Variants in SFSWAP observed in about 807,000 individuals in gnomAD.
SFSWAP encodes splicing factor SWAP.
SFSWAP carries 17 observed loss-of-function variants against 100.7 expected under a neutral mutation model. The observed-to-expected ratio is 0.17, with a 90% CI of 0.12 to 0.25. SFSWAP has a LOEUF of 0.25. Among genes scored for constraint, SFSWAP ranks in the 10% least tolerant of loss-of-function variants. The pLI, the probability that SFSWAP is intolerant of heterozygous loss-of-function variation, is 1.00. For synonymous variants in SFSWAP, 504 were observed against 510.1 expected, an observed-to-expected ratio of 0.99 and a Z score of 0.16; for missense variants, 1,005 against 1,262.6, an observed-to-expected ratio of 0.80 and a Z score of 3.09.
chr12:131,786,523 G>GC lies in SFSWAP; in HGVS notation c.2469_2470insC (p.Ser824GlnfsTer16). Reference sequence around the variant, plus strand: ...CCCCTGAGAGACGGAGGGAAGAGAGGAGTGTGCCCACTGCCTACCGCGTGA... The same window carrying GC: ...CCCCTGAGAGACGGAGGGAAGAGAGGCAGTGTGCCCACTGCCTACCGCGTGA... On this transcript the variant is annotated frameshift_variant, in exon 15 of 18. Coordinates refer to ENST00000261674, the MANE Select transcript of SFSWAP (RefSeq NM_004592.4). 6.3e-7 allele frequency: 1 copy of GC among 1,587,788 alleles called. No homozygotes were observed. Among genetic ancestry groups the GC allele is most frequent in the Non-Finnish European group, 8.6e-7 (1 of 1,168,138 alleles).
At chr12:131,740,966 C>T (rs200346363) in intron 7 of SFSWAP, among the ~76,000 whole-genome samples, 87 of 70,124 alleles carry the variant, frequency 1.2e-3, no homozygotes, top group South Asian at 2.0e-3. Context: ...TCTTTTTTTT[C>T]TTTTTTTTTT....
intron 13 of SFSWAP, 66 bp downstream of exon 13, chr12:131,766,374 C>T (rs1883120991): frequency 7.0e-7 from 1 of 1,427,938 alleles, no homozygotes; most frequent in Non-Finnish European, 9.7e-7. Flanking sequence ...GAGGATGTGT[C>T]TCCCTCCAGC....
Position 131,740,966 on chromosome 12 carries a change from C to CTTTTTTTTTTTTTTTTTTT in SFSWAP, c.1082-12151_1082-12133dup, listed in dbSNP as rs60047663. ...TCATTTCTTTTTTTTTCTTTTTTTT[C>CTTTTTTTTTTTTTTTTTTT]TTTTTTTTTTTTTTTTTTTTTTTTG... On this transcript the variant is annotated intron_variant, in intron 7 of 17. Transcript: ENST00000261674. 7.8e-3 allele frequency among the ~76,000 whole-genome samples: 545 copies of CTTTTTTTTTTTTTTTTTTT among 70,186 alleles called. 3 individuals carry two copies. The highest frequency in any genetic ancestry group is 9.4e-3 in the African/African-American group (161 of 17,132). 46.0% of individuals were successfully genotyped at this position (70,186 alleles called of 152,430 possible).
rs1347235426 is a variant in SFSWAP at position 131,766,207 on chromosome 12, G to A, written c.2041G>A (p.Ala681Thr). The change falls in exon 13 of 18, where the codon GCA becomes ACA. Residue 681 changes from alanine to threonine, a missense_variant. Physicochemically the swap from Ala to Thr is moderately conservative, Grantham distance 58. Transcript: ENST00000261674. Reference protein sequence around the residue: ...SKESKEKQLQAERKRKAALFL... With the variant: ...SKESKEKQLQTERKRKAALFL... ...GGAGTCAAAAGAGAAACAGCTTCAA[G>A]CAGAACGTAAAAGGAAAGCGGCGTT... 1 of 1,614,096 alleles carries A rather than the reference G, an allele frequency of 6.2e-7. No homozygotes were observed. The highest frequency in any genetic ancestry group is 1.3e-5 in the African/African-American group (1 of 74,930).
rs1184390330 is a variant in SFSWAP, at chr12:131,759,525, C to T, written c.1720+2881C>T. 2.1e-4 allele frequency among the ~76,000 whole-genome samples: 32 copies of T among 152,082 alleles called. 1 individual carries two copies. Among genetic ancestry groups the T allele is most frequent in the Admixed American group, 2.1e-3 (32 of 15,262 alleles). On this transcript the variant is annotated intron_variant, in intron 11 of 17. Coordinates refer to ENST00000261674, the MANE Select transcript of SFSWAP (RefSeq NM_004592.4). ...CTATGTATGAAAATAGTAGGCCGGGCGCGGTGGCTCACGCTTGTAATCCCA... is the reference window on the plus strand; with the variant it reads ...CTATGTATGAAAATAGTAGGCCGGGTGCGGTGGCTCACGCTTGTAATCCCA...
chr12:131,728,881 G>C (rs1409298708), intron 7 of SFSWAP, among the ~76,000 whole-genome samples: 1 of 152,038 alleles, frequency 6.6e-6, no homozygotes, highest in Admixed American at 6.6e-5. Context: ...TTTTGATAGG[G>C]ATGGGGTCTC....
intron 7 of SFSWAP, among the ~76,000 whole-genome samples, chr12:131,749,903 C>G (rs1258108652): frequency 6.6e-6 from 1 of 152,226 alleles, no homozygotes; most frequent in East Asian, 1.9e-4. Flanking sequence ...CAAAGGCCTC[C>G]TGAGTCTGCC....
chr12:131,729,230 G>GTGGT (rs1879277731), intron 7 of SFSWAP, among the ~76,000 whole-genome samples: 1 of 152,196 alleles, frequency 6.6e-6, no homozygotes, highest in Non-Finnish European at 1.5e-5. Context: ...CAGGCCAGGC[G>GTGGT]TGGTGGCTAA....
Position 131,749,313 on chromosome 12 carries a change from C to G in SFSWAP, c.1082-3810C>G, listed in dbSNP as rs114898670. 1.8e-3 allele frequency among the ~76,000 whole-genome samples: 270 copies of G among 152,298 alleles called. 2 individuals carry two copies. Among genetic ancestry groups the G allele is most frequent in the African/African-American group, 6.2e-3 (259 of 41,562 alleles). ...GCATGTCGTGGCAGCCTGAGGACAG[C>G]AGGAGCCCCTTGGCACACTGTGCCC... On this transcript the variant is annotated intron_variant, in intron 7 of 17. Coordinates refer to ENST00000261674, the MANE Select transcript of SFSWAP (RefSeq NM_004592.4).
chr12:131,773,329 G>A (rs1288607335), intron 13 of SFSWAP, among the ~76,000 whole-genome samples: 1 of 152,106 alleles, frequency 6.6e-6, no homozygotes, highest in Non-Finnish European at 1.5e-5. Context: ...TGATTTCTTA[G>A]ATTCCACAAA....
chr12:131,790,985 C>A (rs7302570), intron 15 of SFSWAP, among the ~76,000 whole-genome samples: 26,961 of 152,158 alleles, frequency 0.18, 3,138 homozygotes, highest in Non-Finnish European at 0.26. Flanking sequence ...GGGGAAAGAA[C>A]AAATGGGACA....
At position 131,753,328 on chromosome 12, in the gene SFSWAP, T is replaced by C. The variant is rs145935073; in HGVS notation, c.1287T>C (p.Thr429=). The C allele has an allele frequency of 1.2e-6, 2 of 1,612,172 alleles. No individual in the cohort carries two copies. Among genetic ancestry groups the C allele is most frequent in the East Asian group, 4.5e-5 (2 of 44,872 alleles). ...TACCGCCCCCAACCACAGCAGAGACTAGCAGCGGGGCCACCTCCACAACCA... is the reference window on the plus strand; with the variant it reads ...TACCGCCCCCAACCACAGCAGAGACCAGCAGCGGGGCCACCTCCACAACCA... The part of the protein sequence containing the change: ...TPLPPPTTAE[T]SSGATSTTTT... Residue 429 remains threonine (T), a synonymous_variant, in exon 8 of 18, where the codon ACT becomes ACC. Coordinates refer to ENST00000261674, the MANE Select transcript of SFSWAP (RefSeq NM_004592.4).
At chr12:131,743,639 G>A (rs868836827) in intron 7 of SFSWAP, among the ~76,000 whole-genome samples, 10 of 152,220 alleles carry the variant, frequency 6.6e-5, no homozygotes, top group Admixed American at 2.6e-4. Flanking sequence ...CCAGGAGCAC[G>A]GTGCAAGCTG....
At position 131,778,422 on chromosome 12, in the gene SFSWAP, C is replaced by A. The variant is rs1030903528; in HGVS notation, c.2408+92C>A. 2 of 1,530,370 alleles carry A rather than the reference C, an allele frequency of 1.3e-6. No individual in the cohort carries two copies. The highest frequency in any genetic ancestry group is 1.8e-6 in the Non-Finnish European group (2 of 1,142,116). 94.8% of individuals were successfully genotyped at this position (1,530,370 alleles called of 1,614,324 possible). On this transcript the variant is annotated intron_variant, in intron 14 of 17. Coordinates refer to ENST00000261674, the MANE Select transcript of SFSWAP (RefSeq NM_004592.4). The surrounding 1 kb of genome is among the most constrained non-coding windows in gnomAD (Gnocchi z 4.2). ...TAGAGCTAGGTAGAACGTTTAAAAT[C>A]AGTGCCGCTTTCATTAAGCAGACGC...
At position 131,734,933 on chromosome 12, in the gene SFSWAP, C is replaced by T. The variant is rs762656662; in HGVS notation, c.1081+6505C>T. Among the ~76,000 whole-genome samples, 4 of 152,130 alleles carry T rather than the reference C, an allele frequency of 2.6e-5. No homozygotes were observed. The highest frequency in any genetic ancestry group is 2.1e-4 in the South Asian group (1 of 4,826). On this transcript the variant is annotated intron_variant, in intron 7 of 17. Transcript: ENST00000261674. This position sits in a 1 kb window ranked among gnomAD's most constrained non-coding sequence, Gnocchi z 4.9. ...TGGGGTGGGGCAGTGAGGGGGGGCC[C>T]GCTCCGAGAGACAGACAGGTCAGGC...
intron 11 of SFSWAP, among the ~76,000 whole-genome samples, chr12:131,762,640 G>A (rs1882771785): frequency 6.6e-6 from 1 of 152,102 alleles, no homozygotes; most frequent in African/African-American, 2.4e-5. Context: ...CACCCAGGCT[G>A]GAGTAGTGCA....
chr12:131,785,093 C>T (rs1201798903), intron 14 of SFSWAP: 15 of 1,535,420 alleles, frequency 9.8e-6, no homozygotes, highest in South Asian at 5.9e-5. Context: ...TCCCCAGGGA[C>T]GCTGCGCGCG....
Position 131,766,373 on chromosome 12 carries a change from T to A in SFSWAP, c.2142+65T>A. 6.9e-7 allele frequency: 1 copy of A among 1,443,428 alleles called. No individual in the cohort carries two copies. Among genetic ancestry groups the A allele is most frequent in the South Asian group, 1.2e-5 (1 of 83,710 alleles). The allele number at this position is 1,443,428 out of a possible 1,614,324, so 89.4% of individuals were successfully genotyped here. On this transcript the variant is annotated intron_variant, in intron 13 of 17. Coordinates refer to ENST00000261674, the MANE Select transcript of SFSWAP (RefSeq NM_004592.4). ...GATACATAGAGGCAGGGAGGATGTGTCTCCCTCCAGCTGCCCTAGTCTCTG... is the reference window on the plus strand; with the variant it reads ...GATACATAGAGGCAGGGAGGATGTGACTCCCTCCAGCTGCCCTAGTCTCTG...
At chr12:131,759,727 G>A (rs945895567) in intron 11 of SFSWAP, among the ~76,000 whole-genome samples, 10 of 151,918 alleles carry the variant, frequency 6.6e-5, no homozygotes, top group Admixed American at 1.3e-4. Context: ...GCGTGAACCC[G>A]GGAGGCGGAG....
Sources: gnomAD v4.1 joint callset for allele counts (sites outside exome capture counted in the v4.1 genomes callset) on GRCh38, gnomAD v4.1.1 for gene constraint, Gnocchi (gnomAD v3.1) non-coding constraint, MANE v1.5 for transcripts, NCBI Gene and HGNC (gene_info 2026-07-23, HGNC 2026-07-21) for gene names.